The following SNTG1 variants were observed in gnomAD, a reference collection of about 807,000 sequenced individuals.
The protein encoded by SNTG1 is gamma-1-syntrophin.
Under a neutral mutation model 74.7 loss-of-function variants are expected in SNTG1, and 39 were observed. The ratio of observed to expected loss-of-function variants is 0.52; its 90% confidence interval spans 0.40 to 0.68. The LOEUF (loss-of-function observed/expected upper bound fraction) is 0.68, where lower values mean the gene tolerates loss of function less well. SNTG1 is among the 30% of genes least tolerant of loss of function. The probability of loss-of-function intolerance (pLI) is 0.00; values close to 1 mark genes in which losing one functional copy is unlikely to be tolerated. For missense variants in SNTG1, 685 were observed against 609.5 expected, an observed-to-expected ratio of 1.12 and a Z score of -1.30; for synonymous variants, 254 against 217.1, an observed-to-expected ratio of 1.17 and a Z score of -1.49.
At chr8:50,187,538 T>C (rs371045727) in intron 2 of SNTG1, among the ~76,000 whole-genome samples, 1 of 152,174 alleles carries the variant, frequency 6.6e-6, no homozygotes, top group Non-Finnish European at 1.5e-5. Flanking sequence ...GTTAAATAGA[T>C]TATGTGCTTG....
chr8:49,937,816 T>C (rs1243527346), intron 1 of SNTG1, among the ~76,000 whole-genome samples: 4 of 152,224 alleles, frequency 2.6e-5, no homozygotes, highest in Non-Finnish European at 5.9e-5. Flanking sequence ...TCAGCTGTCT[T>C]GGAGGCAGAC....
At chr8:50,350,306 C>T (rs549622458) in intron 2 of SNTG1, among the ~76,000 whole-genome samples, 3 of 152,310 alleles carry the variant, frequency 2.0e-5, no homozygotes, top group Admixed American at 1.3e-4. Flanking sequence ...GGAGTGTGGG[C>T]GCACTGCAGG....
intron 5 of SNTG1, among the ~76,000 whole-genome samples, chr8:50,441,311 A>G (rs2093355693): frequency 6.6e-6 from 1 of 152,138 alleles, no homozygotes; most frequent in African/African-American, 2.4e-5. Context: ...GTTGGTGGGA[A>G]AATAAAAGTT....
At chr8:50,618,891 A>ATGTGTG (rs34924863) in intron 13 of SNTG1, among the ~76,000 whole-genome samples, 4,848 of 148,400 alleles carry the variant, frequency 0.033, 119 homozygotes, top group African/African-American at 0.059. Flanking sequence ...ATATGTGTAT[A>ATGTGTG]TGTGTGTGTG....
intron 1 of SNTG1, among the ~76,000 whole-genome samples, chr8:50,081,284 T>TAAG (rs60227584): frequency 0.87 from 131,719 of 151,934 alleles, 57,230 homozygotes; most frequent in East Asian, 0.99. Context: ...TTATTTCTAA[T>TAAG]AAGTCAAGCA....
At chr8:50,090,814 G>T (rs1199081422) in intron 1 of SNTG1, among the ~76,000 whole-genome samples, 1 of 152,088 alleles carries the variant, frequency 6.6e-6, no homozygotes, top group Non-Finnish European at 1.5e-5. Context: ...GAGACACAAA[G>T]AAACAGACAG....
chr8:50,397,398 G>A (rs75866211), intron 3 of SNTG1, among the ~76,000 whole-genome samples: 7,155 of 152,244 alleles, frequency 0.047, 218 homozygotes, highest in Middle Eastern at 0.095. Flanking sequence ...GACTTTGCAG[G>A]TGGGGCTGTT....
At chr8:50,584,261 G>GATTTATA (rs199934788) in intron 12 of SNTG1, among the ~76,000 whole-genome samples, 129,355 of 150,154 alleles carry the variant, frequency 0.86, 55,915 homozygotes, top group East Asian at 0.94. Flanking sequence ...ATAGCAGCAT[G>GATTTATA]ATCCTTTGGG....
At chr8:50,675,749 G>A (rs898966066) in intron 15 of SNTG1, among the ~76,000 whole-genome samples, 2 of 152,022 alleles carry the variant, frequency 1.3e-5, no homozygotes, top group African/African-American at 4.8e-5. Context: ...TTTCTTCATA[G>A]TGTCATTGGT....
chr8:50,614,982 G>A (rs550054598), intron 13 of SNTG1, among the ~76,000 whole-genome samples: 12 of 144,298 alleles, frequency 8.3e-5, no homozygotes, highest in South Asian at 2.2e-4. Context: ...TCACTCTGTC[G>A]CCCAGGCTGG....
chr8:50,233,488 A>T (rs2085735572), intron 2 of SNTG1, among the ~76,000 whole-genome samples: 2 of 151,808 alleles, frequency 1.3e-5, no homozygotes, highest in African/African-American at 4.8e-5. Context: ...ATATAGGAGA[A>T]AATACTAGGA....
chr8:50,446,622 G>A (rs1319095342), intron 5 of SNTG1, among the ~76,000 whole-genome samples: 1 of 152,072 alleles, frequency 6.6e-6, no homozygotes, highest in South Asian at 2.1e-4. Flanking sequence ...AGGTTGCAAT[G>A]AGTCAAGATC....
At chr8:50,706,949 A>G (rs1015365938) in intron 16 of SNTG1, among the ~76,000 whole-genome samples, 7 of 152,058 alleles carry the variant, frequency 4.6e-5, no homozygotes, top group African/African-American at 1.7e-4. Flanking sequence ...ACTTCCTTAA[A>G]AAGGATAATT....
At chr8:50,189,307 T>C (rs1407625478) in intron 2 of SNTG1, among the ~76,000 whole-genome samples, 1 of 152,098 alleles carries the variant, frequency 6.6e-6, no homozygotes. Context: ...TTTGACATCA[T>C]AAAGCAGTGG....
intron 12 of SNTG1, among the ~76,000 whole-genome samples, chr8:50,566,612 A>G (rs2094518006): frequency 6.6e-6 from 1 of 152,084 alleles, no homozygotes; most frequent in Non-Finnish European, 1.5e-5. Context: ...ACAAGCAACC[A>G]GTATTAAAAG....
At chr8:50,370,353 C>T (rs983659984) in intron 2 of SNTG1, among the ~76,000 whole-genome samples, 9 of 152,156 alleles carry the variant, frequency 5.9e-5, no homozygotes, top group Non-Finnish European at 8.8e-5. Context: ...CTATCTGCTA[C>T]AGTGAGGGCA....
chr8:50,108,316 A>G (rs2131287042), intron 1 of SNTG1, among the ~76,000 whole-genome samples: 1 of 152,282 alleles, frequency 6.6e-6, no homozygotes, highest in South Asian at 2.1e-4. Context: ...AGGGGAATGA[A>G]GAGATATTAC....
At chr8:49,946,267 A>T (rs1314535805) in intron 1 of SNTG1, among the ~76,000 whole-genome samples, 1 of 152,190 alleles carries the variant, frequency 6.6e-6, no homozygotes, top group Non-Finnish European at 1.5e-5. Context: ...AAATTATTTC[A>T]TACTCTTAAG....
intron 18 of SNTG1, among the ~76,000 whole-genome samples, chr8:50,780,788 G>A (rs2095656929): frequency 6.6e-6 from 1 of 152,032 alleles, no homozygotes; most frequent in Non-Finnish European, 1.5e-5. Context: ...TCTTTTAATT[G>A]TGATGTTAGG....
Sources: gnomAD v4.1 joint callset for allele counts (sites outside exome capture counted in the v4.1 genomes callset) on GRCh38, gnomAD v4.1.1 for gene constraint, MANE v1.5 for transcripts, NCBI Gene and HGNC (gene_info 2026-07-23, HGNC 2026-07-21) for gene names.